The following UTRN variants were observed in gnomAD, a reference collection of about 807,000 sequenced individuals.
The protein encoded by UTRN is dystrophin-related protein 1.
A neutral mutation model predicts 463.9 loss-of-function variants in UTRN; 283 were observed. That is an observed-to-expected ratio of 0.61 (90% CI 0.55 to 0.67). UTRN has a LOEUF of 0.67. Among genes scored for constraint, UTRN ranks in the 30% least tolerant of loss-of-function variants. The pLI is 0.00. For missense variants in UTRN, 3,922 were observed against 4,084.3 expected (o/e 0.96, Z 1.08); for synonymous variants, 1,442 against 1,431.5 (o/e 1.01, Z -0.17).
chr6:144,481,725 G>T (rs1584959153), intron 26 of UTRN, among the ~76,000 whole-genome samples: 2 of 152,214 alleles, frequency 1.3e-5, no homozygotes, highest in South Asian at 4.1e-4. Flanking sequence ...TACATTGGAT[G>T]CATGAGTGAA....
chr6:144,385,724 T>C (rs1299756604), intron 2 of UTRN, among the ~76,000 whole-genome samples: 1 of 152,038 alleles, frequency 6.6e-6, no homozygotes, highest in Non-Finnish European at 1.5e-5. Context: ...TTTTTTTTCT[T>C]TTGAGACGGA....
chr6:144,298,833 C>G (rs1804984128), intron 2 of UTRN, among the ~76,000 whole-genome samples: 1 of 152,156 alleles, frequency 6.6e-6, no homozygotes, highest in Admixed American at 6.5e-5. Context: ...CTTTGTGTCT[C>G]TAAAGTGGTA....
At chr6:144,671,014 A>G (rs1170738081) in intron 51 of UTRN, among the ~76,000 whole-genome samples, 4 of 152,144 alleles carry the variant, frequency 2.6e-5, no homozygotes, top group Non-Finnish European at 5.9e-5. Context: ...TTATACCAGT[A>G]CCATGCTCTT....
chr6:144,635,514 C>CTTTTCTTTTTTTTTTT (rs1777035213), intron 51 of UTRN, among the ~76,000 whole-genome samples: 4 of 80,012 alleles, frequency 5.0e-5, no homozygotes, highest in African/African-American at 9.8e-5. Flanking sequence ...CTTTTTTTTT[C>CTTTTCTTTTTTTTTTT]TTTTTTTTTT....
At chr6:144,676,795 A>G (rs1781647749) in intron 51 of UTRN, among the ~76,000 whole-genome samples, 1 of 152,216 alleles carries the variant, frequency 6.6e-6, no homozygotes, top group Non-Finnish European at 1.5e-5. Context: ...AATAAATTTT[A>G]TAAGACTGAA....
At chr6:144,648,815 G>A (rs1203498027) in intron 51 of UTRN, among the ~76,000 whole-genome samples, 1 of 152,170 alleles carries the variant, frequency 6.6e-6, no homozygotes, top group African/African-American at 2.4e-5. Flanking sequence ...AACATGAAGA[G>A]TGAATCATTT....
intron 65 of UTRN, among the ~76,000 whole-genome samples, chr6:144,812,621 A>G (rs952031734): frequency 1.3e-5 from 2 of 152,220 alleles, no homozygotes; most frequent in African/African-American, 4.8e-5. Flanking sequence ...CATGTGATGT[A>G]TCTATATTTG....
intron 61 of UTRN, among the ~76,000 whole-genome samples, chr6:144,784,318 C>T (rs556655512): frequency 1.3e-5 from 2 of 152,276 alleles, no homozygotes; most frequent in South Asian, 2.1e-4. Flanking sequence ...TATTTCCTAA[C>T]AGTTCTAGAC....
chr6:144,396,302 C>T (rs1782406834), intron 2 of UTRN, among the ~76,000 whole-genome samples: 1 of 152,150 alleles, frequency 6.6e-6, no homozygotes, highest in Non-Finnish European at 1.5e-5. Flanking sequence ...TATGATTCCA[C>T]TTACATGACA....
intron 2 of UTRN, among the ~76,000 whole-genome samples, chr6:144,339,246 A>G (rs973866562): frequency 6.6e-6 from 1 of 152,342 alleles, no homozygotes; most frequent in East Asian, 1.9e-4. Flanking sequence ...AAAGTTAATG[A>G]TGACACTGCC....
rs1800674701 is a variant in UTRN at position 144,568,920 on chromosome 6, T to A, written c.7290-8179T>A. Reference sequence around the variant, plus strand: ...GAGGTGATAGAATTAGGTCATTGTCTTTTGAGAGCAGTGTACACAAATGGC... The same window carrying A: ...GAGGTGATAGAATTAGGTCATTGTCATTTGAGAGCAGTGTACACAAATGGC... On this transcript the variant is annotated intron_variant, in intron 50 of 74. Coordinates refer to ENST00000367545, the MANE Select transcript of UTRN (RefSeq NM_007124.3). Among the ~76,000 whole-genome samples, 4 of 152,310 alleles carry A rather than the reference T, an allele frequency of 2.6e-5. No homozygotes were observed. The South Asian group carries it at 8.3e-4, about 32-fold the overall frequency.
chr6:144,403,269 C>T, intron 3 of UTRN, 85 bp downstream of exon 3: 1 of 1,219,220 alleles, frequency 8.2e-7, no homozygotes, highest in Non-Finnish European at 1.2e-6. Flanking sequence ...TGAATTTTCC[C>T]CAGGAAATGT....
chr6:144,376,150 T>G (rs917735117), intron 2 of UTRN, among the ~76,000 whole-genome samples: 1 of 152,024 alleles, frequency 6.6e-6, no homozygotes, highest in Admixed American at 6.6e-5. Context: ...CTATTCCCAG[T>G]TGCTTTTTTT....
chr6:144,509,522 T>C (rs1275928935), intron 34 of UTRN, among the ~76,000 whole-genome samples: 1 of 152,034 alleles, frequency 6.6e-6, no homozygotes, highest in Non-Finnish European at 1.5e-5. Context: ...AGAATTGAAA[T>C]GATAAAGATG....
intron 53 of UTRN, among the ~76,000 whole-genome samples, chr6:144,706,274 A>G (rs1785084820): frequency 6.7e-6 from 1 of 149,290 alleles, no homozygotes; most frequent in Non-Finnish European, 1.5e-5. Flanking sequence ...CTGCTGTCAT[A>G]TTCCATTGAT....
chr6:144,757,529 T>C (rs966739978), intron 57 of UTRN, among the ~76,000 whole-genome samples: 16 of 152,096 alleles, frequency 1.1e-4, no homozygotes, highest in Non-Finnish European at 1.5e-4. Context: ...ATCTGGAAAA[T>C]TCGGTCTTGA....
chr6:144,784,068 A>G (rs991783084), intron 61 of UTRN, among the ~76,000 whole-genome samples: 3 of 152,246 alleles, frequency 2.0e-5, no homozygotes, highest in African/African-American at 4.8e-5. Flanking sequence ...TGTTTTAACT[A>G]CAAAACCTGT....
At chr6:144,350,069 A>G (rs1777978611) in intron 2 of UTRN, among the ~76,000 whole-genome samples, 1 of 152,208 alleles carries the variant, frequency 6.6e-6, no homozygotes, top group South Asian at 2.1e-4. Flanking sequence ...ACACAGGCCA[A>G]ACTTTCTGTC....
intron 3 of UTRN, among the ~76,000 whole-genome samples, chr6:144,418,145 G>A (rs1784507249): frequency 6.6e-6 from 1 of 151,674 alleles, no homozygotes. Context: ...GCCAATAAGA[G>A]GCTTCTTGTT....
Sources: allele counts gnomAD v4.1 joint callset (sites outside exome capture counted in the v4.1 genomes callset), GRCh38; gene constraint gnomAD v4.1.1; transcripts MANE v1.5; gene names NCBI Gene and HGNC (gene_info 2026-07-23, HGNC 2026-07-21).